Variants in ZNF157 observed in about 807,000 individuals in gnomAD.
ZNF157 encodes zinc finger protein 22.
ZNF157 carries 8 observed loss-of-function variants against 9.4 expected under a neutral mutation model. The observed-to-expected ratio is 0.85, with a 90% CI of 0.50 to 1.53. The LOEUF is 1.53. Among genes scored for constraint, ZNF157 ranks in the 40% most tolerant of loss-of-function variants. ZNF157 has a pLI of 0.00. For missense variants in ZNF157, 316 were observed against 385.2 expected (o/e 0.82, Z 1.50); for synonymous variants, 120 against 130.8 (o/e 0.92, Z 0.56).
chrX:47,413,493 G>T lies in ZNF157; in HGVS notation c.1420G>T (p.Glu474Ter). The T allele has an allele frequency of 2.5e-6, 3 of 1,211,996 alleles. No individual in the cohort carries two copies. The highest frequency in any genetic ancestry group is 3.3e-6 in the Non-Finnish European group (3 of 895,581). ...HTGERPFECQ[E>*]CGKAFCRKAH... ...AGGAGAGAGACCCTTTGAGTGTCAA[G>T]AATGTGGGAAAGCTTTCTGCCGGAA... Residue 474 changes from glutamate to a stop codon, truncating the protein, a stop_gained, in exon 4 of 4, where the codon GAA becomes TAA. Coordinates refer to ENST00000377073, the MANE Select transcript of ZNF157 (RefSeq NM_003446.4). LOFTEE classifies it low-confidence loss of function (END_TRUNC).
At position 47,404,690 on chromosome X, in the gene ZNF157, A is replaced by G. The variant is rs758701288; in HGVS notation, c.73-5586A>G. ...ATGTTGTGAACCATAATGCCAGTCT[A>G]GATATCTAGACTTGGGTTTCAGGTA... is the stretch of plus-strand genomic sequence containing the variant. On this transcript the variant is annotated intron_variant, in intron 1 of 3. Coordinates refer to ENST00000377073, the MANE Select transcript of ZNF157 (RefSeq NM_003446.4). Among the ~76,000 whole-genome samples the G allele has an allele frequency of 8.7e-4, 97 of 111,571 alleles. 1 individual carries two copies. The highest frequency in any genetic ancestry group is 1.6e-3 in the Non-Finnish European group (85 of 53,109).
intron 1 of ZNF157, among the ~76,000 whole-genome samples, chrX:47,397,975 A>G (rs1197223920): frequency 9.1e-6 from 1 of 110,217 alleles, no homozygotes; most frequent in African/African-American, 3.3e-5. Flanking sequence ...GGTAATAGTG[A>G]GTAGTGCCAT....
rs771019578 is a variant in ZNF157, at chrX:47,410,351, A to C, written c.148A>C (p.Thr50Pro). ...EWHRLDPAQR[T>P]MHKDVMLETY... ...GCACAGACTGGACCCTGCTCAGAGG[A>C]CCATGCACAAGGATGTGATGCTGGA... Residue 50 changes from threonine (T) to proline (P), a missense_variant, in exon 2 of 4, where the codon ACC (threonine) becomes CCC (proline). Physicochemically the swap from Thr to Pro is conservative, Grantham distance 38. Around this residue, in one of 3 missense-constraint regions of ZNF157, gnomAD observed 146 missense variants for 183.8 expected, o/e 0.79. Coordinates refer to ENST00000377073, the MANE Select transcript of ZNF157 (RefSeq NM_003446.4). 1 of 1,211,434 alleles carries C rather than the reference A, an allele frequency of 8.3e-7. No homozygotes were observed. The highest frequency in any genetic ancestry group is 1.1e-6 in the Non-Finnish European group (1 of 895,374).
chrX:47,413,295 C>A lies in ZNF157; in HGVS notation c.1222C>A (p.His408Asn). 5 of 1,211,612 alleles carry A rather than the reference C, an allele frequency of 4.1e-6. No homozygotes were observed. Among genetic ancestry groups the A allele is most frequent in the Non-Finnish European group, 4.5e-6 (4 of 895,418 alleles). Reference sequence around the variant, plus strand: ...ACGCCTAATTGAACATCAGAGGATGCATTCAGGAGAGAAACCCTACGAATG... The same window carrying A: ...ACGCCTAATTGAACATCAGAGGATGAATTCAGGAGAGAAACCCTACGAATG... Reference protein sequence around the residue: ...KARLIEHQRMHSGEKPYECSE... With the variant: ...KARLIEHQRMNSGEKPYECSE... Residue 408 changes from histidine to asparagine, a missense_variant, in exon 4 of 4, where the codon CAT becomes AAT. His to Asn is a moderately conservative substitution (Grantham distance 68). This residue lies in a region of ZNF157 where 167 missense variants were observed against 183.6 expected (regional missense o/e 0.91). Transcript: ENST00000377073.
At chrX:47,374,397 CTT>C (rs749372735) in intron 1 of ZNF157, among the ~76,000 whole-genome samples, 22,190 of 84,627 alleles carry the variant, frequency 0.26, 2,147 homozygotes, top group South Asian at 0.32. Flanking sequence ...AATAGACAAT[CTT>C]TTTTTTTTTT....
Position 47,399,462 on chromosome X carries a change from G to A in ZNF157, c.73-10814G>A, listed in dbSNP as rs149435290. Reference sequence around the variant, plus strand: ...GGTCCTGGAACCATTGCAACAAGGAGTAAGAAAGAAAGTTTAGGTAATATA... The same window carrying A: ...GGTCCTGGAACCATTGCAACAAGGAATAAGAAAGAAAGTTTAGGTAATATA... On this transcript the variant is annotated intron_variant, in intron 1 of 3. Coordinates refer to ENST00000377073, the MANE Select transcript of ZNF157 (RefSeq NM_003446.4). Among the ~76,000 whole-genome samples the A allele has an allele frequency of 5.8e-3, 653 of 112,042 alleles. 2 individuals carry two copies. Among genetic ancestry groups the A allele is most frequent in the African/African-American group, 0.02 (624 of 30,939 alleles).
intron 1 of ZNF157, among the ~76,000 whole-genome samples, chrX:47,391,646 G>A (rs1366517612): frequency 8.9e-6 from 1 of 111,881 alleles, no homozygotes; most frequent in African/African-American, 3.2e-5. Context: ...CGCCTCCTGG[G>A]TTCAAGCAAT....
chrX:47,412,370 A>T lies in ZNF157; in HGVS notation c.297A>T (p.Gly99=). The change falls in exon 4 of 4, where the codon GGA becomes GGT. Residue 99 remains glycine (G), a splice_region_variant and synonymous_variant. Transcript: ENST00000377073. Reference sequence around the variant, plus strand: ...ACATGCTGTGATTTATTTTTAAAGGATCTCTCTCACTGCTGTGTGGCAATG... The same window carrying T: ...ACATGCTGTGATTTATTTTTAAAGGTTCTCTCTCACTGCTGTGTGGCAATG... The part of the protein sequence containing the change: ...EEESSGHGYS[G]SLSLLCGNGS... 8.5e-7 allele frequency: 1 copy of T among 1,178,256 alleles called. No homozygotes were observed. Among genetic ancestry groups the T allele is most frequent in the Non-Finnish European group, 1.1e-6 (1 of 876,685 alleles).
chrX:47,394,354 A>C (rs1250934471), intron 1 of ZNF157, among the ~76,000 whole-genome samples: 3 of 111,048 alleles, frequency 2.7e-5, no homozygotes, highest in Non-Finnish European at 5.7e-5. Flanking sequence ...CCAACAGTGA[A>C]TTTTCTAATT....
At chrX:47,398,235 A>G (rs1408114370) in intron 1 of ZNF157, among the ~76,000 whole-genome samples, 1 of 110,308 alleles carries the variant, frequency 9.1e-6, no homozygotes, top group Non-Finnish European at 1.9e-5. Flanking sequence ...GAATATTCAG[A>G]CTCCTGCAGG....
chrX:47,385,616 G>A (rs186016359), intron 1 of ZNF157, among the ~76,000 whole-genome samples: 135 of 108,204 alleles, frequency 1.2e-3, no homozygotes, highest in African/African-American at 4.1e-3. Flanking sequence ...TGCCTAGGCT[G>A]GACTGCAGTG....
chrX:47,411,939 A>G (rs1184656272), intron 3 of ZNF157, among the ~76,000 whole-genome samples: 1 of 111,207 alleles, frequency 9.0e-6, no homozygotes, highest in Non-Finnish European at 1.9e-5. Context: ...ATAGATACTG[A>G]TTTTTAGGAA....
Position 47,410,377 on chromosome X carries a change from G to C in ZNF157, c.174G>C (p.Glu58Asp), listed in dbSNP as rs2055960733. Residue 58 changes from glutamate (E) to aspartate (D), a missense_variant, in exon 2 of 4, where the codon GAG (glutamate) becomes GAC (aspartate). Glu to Asp is a conservative substitution (Grantham distance 45). Coordinates refer to ENST00000377073, the MANE Select transcript of ZNF157 (RefSeq NM_003446.4). The part of the protein sequence containing the change: ...QRTMHKDVML[E>D]TYSNLASVGL... ...CCATGCACAAGGATGTGATGCTGGA[G>C]ACCTACAGCAACCTGGCATCTGTGG... 5.8e-6 allele frequency: 7 copies of C among 1,211,482 alleles called. No homozygotes were observed. The highest frequency in any genetic ancestry group is 7.8e-6 in the Non-Finnish European group (7 of 895,278).
chrX:47,393,611 T>C (rs1181831089), intron 1 of ZNF157, among the ~76,000 whole-genome samples: 1 of 110,523 alleles, frequency 9.0e-6, no homozygotes, highest in East Asian at 2.8e-4. Context: ...TCCAGGCTGC[T>C]GTGCAGTGGC....
intron 1 of ZNF157, among the ~76,000 whole-genome samples, chrX:47,379,002 TATGAG>T (rs201792900): frequency 0.01 from 1,123 of 111,719 alleles, 7 homozygotes; most frequent in Middle Eastern, 0.041. Context: ...ACAAGTCCTT[TATGAG>T]ATAAGTGTTT....
chrX:47,394,214 G>A (rs901080409), intron 1 of ZNF157, among the ~76,000 whole-genome samples: 8 of 110,630 alleles, frequency 7.2e-5, no homozygotes, highest in Non-Finnish European at 1.3e-4. Flanking sequence ...TGCCCACCTC[G>A]GCCTCCCAAA....
chrX:47,412,448 G>T lies in ZNF157; in HGVS notation c.375G>T (p.Gln125His), dbSNP rs374036718. The change falls in exon 4 of 4, where the codon CAG (glutamine) becomes CAT (histidine). Residue 125 changes from glutamine to histidine, a missense_variant. Physicochemically the swap from Gln to His is conservative, Grantham distance 24 (BLOSUM62 0). Transcript: ENST00000377073. ...ATGATAATGACCTTCTTCACCATCAGAAGATTCAAACATTGGATCAAAATG... is the reference window on the plus strand; with the variant it reads ...ATGATAATGACCTTCTTCACCATCATAAGATTCAAACATTGGATCAAAATG... ...LRHDNDLLHH[Q>H]KIQTLDQNVE... is the part of the protein sequence containing the mutation. The T allele has an allele frequency of 3.8e-5, 46 of 1,210,632 alleles. No homozygotes were observed. The highest frequency in any genetic ancestry group is 5.2e-5 in the African/African-American group (3 of 57,440).
At chrX:47,397,694 C>A (rs188408988) in intron 1 of ZNF157, among the ~76,000 whole-genome samples, 6 of 111,775 alleles carry the variant, frequency 5.4e-5, no homozygotes, top group African/African-American at 1.9e-4. Flanking sequence ...GGATTACAGG[C>A]GTGAGCCACC....
chrX:47,388,140 G>A lies in ZNF157; in HGVS notation c.72+17400G>A, dbSNP rs559890696. Among the ~76,000 whole-genome samples, 18 of 109,846 alleles carry A rather than the reference G, an allele frequency of 1.6e-4. No individual in the cohort carries two copies. In the South Asian group the frequency reaches 6.7e-3, roughly 41 times the overall value. On this transcript the variant is annotated intron_variant, in intron 1 of 3. Coordinates refer to ENST00000377073, the MANE Select transcript of ZNF157 (RefSeq NM_003446.4). Reference sequence around the variant, plus strand: ...CTTGCTTCATCTCCCAGGCTGGAGTGCAGTGGCACAATCATAGCTCATTGC... The same window carrying A: ...CTTGCTTCATCTCCCAGGCTGGAGTACAGTGGCACAATCATAGCTCATTGC...
Sources: allele counts gnomAD v4.1 joint callset (sites outside exome capture counted in the v4.1 genomes callset), GRCh38; gene constraint gnomAD v4.1.1; regional missense constraint gnomAD v4.1.1; transcripts MANE v1.5; gene names NCBI Gene and HGNC (gene_info 2026-07-23, HGNC 2026-07-21).